The following SLC4A10 variants were observed in gnomAD, a reference collection of about 807,000 sequenced individuals.
SLC4A10 encodes sodium-driven chloride bicarbonate exchanger.
Under a neutral mutation model 137.7 loss-of-function variants are expected in SLC4A10, and 42 were observed. That is an observed-to-expected ratio of 0.30 (90% confidence interval 0.24 to 0.39). The LOEUF is 0.39. SLC4A10 is among the 10% of genes least tolerant of loss of function. The pLI is 1.00. For synonymous variants in SLC4A10, 474 were observed against 464.1 expected (o/e 1.02, Z -0.27); for missense variants, 925 against 1,355.0 (o/e 0.68, Z 4.98).
intron 1 of SLC4A10, among the ~76,000 whole-genome samples, chr2:161,649,360 C>G (rs4664047): frequency 0.79 from 120,001 of 152,012 alleles, 47,675 homozygotes; most frequent in East Asian, 0.86. Context: ...GACCTTGTCT[C>G]GAAAAAAATT....
rs74493163 is a variant in SLC4A10 at position 161,745,153 on chromosome 2, A to T, written c.49-25820A>T. 2.1e-3 allele frequency among the ~76,000 whole-genome samples: 317 copies of T among 152,274 alleles called. 1 individual carries two copies. The highest frequency in any genetic ancestry group is 7.2e-3 in the African/African-American group (298 of 41,570). Reference sequence around the variant, plus strand: ...CTCTTTGAATACACTTTCTATGCCAATCTCTCTCGCTACCTTCTCTTTAAG... The same window carrying T: ...CTCTTTGAATACACTTTCTATGCCATTCTCTCTCGCTACCTTCTCTTTAAG... On this transcript the variant is annotated intron_variant, in intron 1 of 26. Transcript: ENST00000446997.
intron 6 of SLC4A10, among the ~76,000 whole-genome samples, chr2:161,871,477 A>G (rs1308463098): frequency 6.6e-6 from 1 of 151,992 alleles, no homozygotes; most frequent in East Asian, 1.9e-4. Context: ...CTTACTGCAA[A>G]CAATGTTTCA....
intron 15 of SLC4A10, among the ~76,000 whole-genome samples, chr2:161,908,542 A>T (rs1165858844): frequency 3.3e-5 from 5 of 151,748 alleles, no homozygotes; most frequent in Non-Finnish European, 5.9e-5. Flanking sequence ...CATATGTAAC[A>T]AACCTGCACG....
intron 1 of SLC4A10, among the ~76,000 whole-genome samples, chr2:161,626,507 G>A (rs1558890104): frequency 6.6e-6 from 1 of 152,126 alleles, no homozygotes; most frequent in Non-Finnish European, 1.5e-5. Context: ...AATGGTAAGA[G>A]GGAATCATAT....
At chr2:161,678,863 C>T (rs775756732) in intron 1 of SLC4A10, among the ~76,000 whole-genome samples, 6 of 152,056 alleles carry the variant, frequency 3.9e-5, no homozygotes, top group Non-Finnish European at 8.8e-5. Context: ...CTCTATTTTA[C>T]TATCGAAGGA....
chr2:161,789,130 T>G (rs1425628959), intron 2 of SLC4A10, among the ~76,000 whole-genome samples: 1 of 152,176 alleles, frequency 6.6e-6, no homozygotes, highest in East Asian at 1.9e-4. Context: ...CCATCTCAGT[T>G]AGGGCCTGAG....
chr2:161,636,848 C>G (rs1457585062), intron 1 of SLC4A10, among the ~76,000 whole-genome samples: 3 of 151,444 alleles, frequency 2.0e-5, no homozygotes, highest in Non-Finnish European at 4.4e-5. Context: ...CACTACCATG[C>G]CTGTCTAATT....
chr2:161,874,676 G>A (rs7587058), intron 8 of SLC4A10, among the ~76,000 whole-genome samples: 80,519 of 151,930 alleles, frequency 0.53, 21,923 homozygotes, highest in East Asian at 0.85. Flanking sequence ...GTTGTTCATA[G>A]CATGGCACAC....
Position 161,755,893 on chromosome 2 carries a change from T to C in SLC4A10, c.49-15080T>C, listed in dbSNP as rs141764533. On this transcript the variant is annotated intron_variant, in intron 1 of 26. Transcript: ENST00000446997. Reference sequence around the variant, plus strand: ...AAAGAGATTCTCCTGCCTCAGCCTCTCAAGTAGCTGGGATTACAGGCCTGT... The same window carrying C: ...AAAGAGATTCTCCTGCCTCAGCCTCCCAAGTAGCTGGGATTACAGGCCTGT... Among the ~76,000 whole-genome samples, 966 of 151,614 alleles carry C rather than the reference T, an allele frequency of 6.4e-3. 10 individuals carry two copies. Among genetic ancestry groups the C allele is most frequent in the African/African-American group, 0.022 (919 of 41,346 alleles).
chr2:161,624,694 A>G, intron 1 of SLC4A10, 128 bp downstream of exon 1: 2 of 1,253,838 alleles, frequency 1.6e-6, no homozygotes, highest in Non-Finnish European at 2.2e-6. Flanking sequence ...ACATATGGAC[A>G]GGGGTCTCCT....
At chr2:161,877,236 T>C (rs1419365748) in intron 8 of SLC4A10, among the ~76,000 whole-genome samples, 2 of 152,076 alleles carry the variant, frequency 1.3e-5, no homozygotes, top group Non-Finnish European at 2.9e-5. Context: ...GTTTATAGAA[T>C]TTTCAAGGTG....
At position 161,632,539 on chromosome 2, in the gene SLC4A10, A is replaced by C. The variant is rs193020293; in HGVS notation, c.48+7973A>C. On this transcript the variant is annotated intron_variant, in intron 1 of 26. Transcript: ENST00000446997. ...ACTTTGTAGTATAACTTTATGATAT[A>C]AATGTCTGTTAAAAACATGTCATAT... 2.6e-5 allele frequency among the ~76,000 whole-genome samples: 4 copies of C among 151,844 alleles called. No individual in the cohort carries two copies. The East Asian group carries it at 7.7e-4, about 29-fold the overall frequency.
intron 1 of SLC4A10, among the ~76,000 whole-genome samples, chr2:161,630,958 A>G (rs2033435002): frequency 6.6e-6 from 1 of 151,808 alleles, no homozygotes; most frequent in African/African-American, 2.4e-5. Context: ...AAAGAATCCC[A>G]TTATAAAACG....
At chr2:161,694,101 A>G (rs2042260424) in intron 1 of SLC4A10, among the ~76,000 whole-genome samples, 1 of 151,994 alleles carries the variant, frequency 6.6e-6, no homozygotes, top group South Asian at 2.1e-4. Context: ...CCTTTATCCT[A>G]CAATAATTTT....
chr2:161,718,211 T>C (rs1408970244), intron 1 of SLC4A10, among the ~76,000 whole-genome samples: 1 of 152,134 alleles, frequency 6.6e-6, no homozygotes, highest in Non-Finnish European at 1.5e-5. Context: ...TAGCTAGTGG[T>C]CTAGCTATTT....
At chr2:161,783,216 C>A (rs2389533) in intron 2 of SLC4A10, among the ~76,000 whole-genome samples, 39,532 of 151,650 alleles carry the variant, frequency 0.26, 7,575 homozygotes, top group African/African-American at 0.55. Context: ...AACCAGGAAA[C>A]CTAGACCAAA....
intron 1 of SLC4A10, among the ~76,000 whole-genome samples, chr2:161,653,360 T>C (rs1409422969): frequency 4.6e-5 from 7 of 152,212 alleles, no homozygotes. Flanking sequence ...TTTGGGTATA[T>C]ACCCAGTAAT....
chr2:161,957,312 C>T, intron 20 of SLC4A10, 72 bp downstream of exon 20: 1 of 1,496,792 alleles, frequency 6.7e-7, no homozygotes, highest in South Asian at 1.4e-5. Flanking sequence ...TCATTTGAAT[C>T]TGAGCCATAA....
chr2:161,901,979 G>T (rs1300013370), intron 12 of SLC4A10: 2 of 454,680 alleles, frequency 4.4e-6, no homozygotes, highest in Admixed American at 4.7e-5. Flanking sequence ...ACATAGCTTA[G>T]ATTTTTTTCG....
Sources: gnomAD v4.1 joint callset for allele counts (sites outside exome capture counted in the v4.1 genomes callset) on GRCh38, gnomAD v4.1.1 for gene constraint, MANE v1.5 for transcripts, NCBI Gene and HGNC (gene_info 2026-07-23, HGNC 2026-07-21) for gene names.